Variants in USP13 observed in about 807,000 individuals in gnomAD.
The protein encoded by USP13 is ubiquitin specific peptidase 13.
Under a neutral mutation model 107.8 loss-of-function variants are expected in USP13, and 68 were observed. That is an observed-to-expected ratio of 0.63 (90% CI 0.52 to 0.77). The LOEUF (loss-of-function observed/expected upper bound fraction) is 0.77. Among genes scored for constraint, USP13 ranks in the 30% least tolerant of loss-of-function variants. The pLI is 0.00. For synonymous variants in USP13, 377 were observed against 389.5 expected (o/e 0.97, Z 0.38); for missense variants, 945 against 1,093.3 (o/e 0.86, Z 1.91).
At chr3:179,739,117 CT>C (rs1714093919) in intron 10 of USP13, among the ~76,000 whole-genome samples, 2 of 152,198 alleles carry the variant, frequency 1.3e-5, no homozygotes, top group South Asian at 4.1e-4. Flanking sequence ...TTCCCTGATG[CT>C]CTGTCCAGCT....
At chr3:179,660,131 G>A (rs912526571) in intron 1 of USP13, among the ~76,000 whole-genome samples, 7 of 152,210 alleles carry the variant, frequency 4.6e-5, no homozygotes, top group South Asian at 2.1e-4. Flanking sequence ...ATTTTAACTC[G>A]TTTTAATTGT....
rs569113008 is a variant in USP13, at chr3:179,758,761, G to C, written c.1948+1683G>C. Among the ~76,000 whole-genome samples the C allele has an allele frequency of 1.3e-3, 194 of 152,124 alleles. 1 individual carries two copies. The highest frequency in any genetic ancestry group is 4.5e-3 in the African/African-American group (186 of 41,502). On this transcript the variant is annotated intron_variant, in intron 16 of 20. Transcript: ENST00000263966. ...GATCCACCCGCCTCGGCCTCCCAACGTGCTGGGATTACACACGTGAGCCAC... is the reference window on the plus strand; with the variant it reads ...GATCCACCCGCCTCGGCCTCCCAACCTGCTGGGATTACACACGTGAGCCAC...
At position 179,754,786 on chromosome 3, in the gene USP13, G is replaced by A; in HGVS notation, c.1853G>A (p.Gly618Glu). Residue 618 changes from glycine (G) to glutamate (E), a missense_variant, in exon 15 of 21, where the codon GGG becomes GAG. Physicochemically the swap from Gly to Glu is moderately conservative, Grantham distance 98. Transcript: ENST00000263966. The stretch of plus-strand genomic sequence containing the variant: ...GATATCAACCATCTCCGAGCCAGGG[G>A]GTTACAGCCAGGAGAGGAAGAACTT... ...LLDINHLRAR[G>E]LQPGEEELPD... 1 of 1,613,296 alleles carries A rather than the reference G, an allele frequency of 6.2e-7. No individual in the cohort carries two copies. The highest frequency in any genetic ancestry group is 1.1e-5 in the South Asian group (1 of 90,822).
chr3:179,750,372 TTTG>T lies in USP13; in HGVS notation c.1710-1907_1710-1905del, dbSNP rs1357841943. On this transcript the variant is annotated intron_variant, in intron 13 of 20. Coordinates refer to ENST00000263966, the MANE Select transcript of USP13 (RefSeq NM_003940.3). ...TATATATATAAAATATCAGACAGAG[TTTG>T]TTGTTTTTTTGGTGCAGTTGAGGAC... Among the ~76,000 whole-genome samples, 608 of 144,370 alleles carry T rather than the reference TTTG, an allele frequency of 4.2e-3. 6 individuals carry two copies. The highest frequency in any genetic ancestry group is 0.015 in the African/African-American group (570 of 38,940). The allele number at this position is 144,370 out of a possible 152,430, so 94.7% of individuals were successfully genotyped here.
chr3:179,654,912 A>G (rs1252778092), intron 1 of USP13, among the ~76,000 whole-genome samples: 5 of 151,462 alleles, frequency 3.3e-5, no homozygotes, highest in Non-Finnish European at 2.9e-5. Flanking sequence ...GATGAAACCT[A>G]ACTTAATTTT....
chr3:179,730,926 A>T (rs1713781051), intron 10 of USP13, among the ~76,000 whole-genome samples: 1 of 152,272 alleles, frequency 6.6e-6, no homozygotes. Flanking sequence ...CATGGATTAT[A>T]CATGTGTGCC....
chr3:179,784,170 A>G lies in USP13; in HGVS notation c.*29A>G. The G allele has an allele frequency of 6.5e-7, 1 of 1,546,116 alleles. No homozygotes were observed. Among genetic ancestry groups the G allele is most frequent in the South Asian group, 1.2e-5 (1 of 84,270 alleles). On this transcript the variant is annotated 3_prime_UTR_variant, in exon 21 of 21. Coordinates refer to ENST00000263966, the MANE Select transcript of USP13 (RefSeq NM_003940.3). ...TCAAATATAAAAATTGGCGAAAAGAAGCCATACGCCTTTTTAATTTGCCAA... is the reference window on the plus strand; with the variant it reads ...TCAAATATAAAAATTGGCGAAAAGAGGCCATACGCCTTTTTAATTTGCCAA...
At chr3:179,671,649 A>G (rs907127539) in intron 1 of USP13, among the ~76,000 whole-genome samples, 4 of 152,218 alleles carry the variant, frequency 2.6e-5, no homozygotes, top group African/African-American at 9.6e-5. Context: ...GTTACATTTC[A>G]TGGAGGTACC....
At chr3:179,720,811 CTT>C (rs1215405779) in intron 7 of USP13, among the ~76,000 whole-genome samples, 9 of 142,454 alleles carry the variant, frequency 6.3e-5, no homozygotes, top group East Asian at 2.0e-4. Flanking sequence ...TCTTTAAAAT[CTT>C]TTTTTTTTTT....
intron 10 of USP13, among the ~76,000 whole-genome samples, chr3:179,734,265 A>G (rs1251038198): frequency 6.6e-6 from 1 of 152,222 alleles, no homozygotes; most frequent in Non-Finnish European, 1.5e-5. Flanking sequence ...ATTGAATTTT[A>G]AGATTAACTT....
chr3:179,711,215 T>G (rs1166869939), intron 6 of USP13, among the ~76,000 whole-genome samples: 3 of 152,134 alleles, frequency 2.0e-5, no homozygotes, highest in Admixed American at 6.5e-5. Context: ...TGTACACTTT[T>G]TTTTGTTTTG....
intron 8 of USP13, among the ~76,000 whole-genome samples, chr3:179,722,074 A>C (rs1026618488): frequency 4.6e-5 from 7 of 151,950 alleles, no homozygotes; most frequent in African/African-American, 1.7e-4. Flanking sequence ...TCAAAAAAAA[A>C]AAAAAAAAGA....
intron 6 of USP13, among the ~76,000 whole-genome samples, chr3:179,716,261 C>G (rs960846045): frequency 1.3e-5 from 2 of 152,146 alleles, no homozygotes; most frequent in Non-Finnish European, 2.9e-5. Flanking sequence ...TGAGGTACAT[C>G]CTTACCTCTC....
rs1720136061 is a variant in USP13, at chr3:179,653,199, C to A, written c.-27C>A. ...CCCGCGCTCCGGCTCCGGCTCGGCT[C>A]GCTCGGCTCCGGTGCGCGCCGAGGC... is the stretch of plus-strand genomic sequence containing the variant. On this transcript the variant is annotated 5_prime_UTR_variant, in exon 1 of 21. Coordinates refer to ENST00000263966, the MANE Select transcript of USP13 (RefSeq NM_003940.3). This position sits in a 1 kb window ranked among gnomAD's most constrained non-coding sequence, Gnocchi z 4.0. 1 of 1,350,980 alleles carries A rather than the reference C, an allele frequency of 7.4e-7. No individual in the cohort carries two copies. The highest frequency in any genetic ancestry group is 9.6e-7 in the Non-Finnish European group (1 of 1,045,992). The allele number at this position is 1,350,980 out of a possible 1,614,324, so 83.7% of individuals were successfully genotyped here.
At chr3:179,730,146 T>G in intron 8 of USP13, 43 bp from the exon 9 acceptor site, 1 of 1,561,632 alleles carries the variant, frequency 6.4e-7, no homozygotes, top group African/African-American at 1.4e-5. Context: ...GTTCTGTTCT[T>G]CTTGCAGTTG....
Position 179,774,856 on chromosome 3 carries a change from T to C in USP13, c.2414-6883T>C, listed in dbSNP as rs547646693. Among the ~76,000 whole-genome samples, 3 of 152,346 alleles carry C rather than the reference T, an allele frequency of 2.0e-5. No homozygotes were observed. The South Asian group carries it at 6.2e-4, about 32-fold the overall frequency. On this transcript the variant is annotated intron_variant, in intron 19 of 20. Coordinates refer to ENST00000263966, the MANE Select transcript of USP13 (RefSeq NM_003940.3). ...TGATTGGTCCATTTTGACAGGGTGC[T>C]GATTGGTGCATTTACAATCCCTGAG...
At chr3:179,774,616 A>G (rs1715454171) in intron 19 of USP13, among the ~76,000 whole-genome samples, 1 of 152,146 alleles carries the variant, frequency 6.6e-6, no homozygotes, top group South Asian at 2.1e-4. Context: ...TGCAGTGATT[A>G]CAGCTCATAA....
Position 179,721,522 on chromosome 3 carries a change from C to T in USP13, c.1021C>T (p.Leu341=). ...YGPGYTGLKN[L]GNSCYLSSVM... ...TCCTGGCTACACGGGTCTGAAGAACCTGGGCAACAGCTGCTATCTCAGCTC... is the reference window on the plus strand; with the variant it reads ...TCCTGGCTACACGGGTCTGAAGAACTTGGGCAACAGCTGCTATCTCAGCTC... The change falls in exon 8 of 21, where the codon CTG becomes TTG. Residue 341 remains leucine, a synonymous_variant. Transcript: ENST00000263966. This position sits in a 1 kb window ranked among gnomAD's most constrained non-coding sequence, Gnocchi z 4.3. 3 of 1,614,140 alleles carry T rather than the reference C, an allele frequency of 1.9e-6. No individual in the cohort carries two copies. Among genetic ancestry groups the T allele is most frequent in the Non-Finnish European group, 1.7e-6 (2 of 1,180,042 alleles).
intron 18 of USP13, among the ~76,000 whole-genome samples, chr3:179,764,728 G>C (rs745328119): frequency 2.0e-5 from 3 of 152,172 alleles, no homozygotes; most frequent in African/African-American, 7.2e-5. Flanking sequence ...CCCTTCTGCA[G>C]TGCTGATATC....
Sources: allele counts gnomAD v4.1 joint callset (sites outside exome capture counted in the v4.1 genomes callset), GRCh38; gene constraint gnomAD v4.1.1; non-coding constraint Gnocchi (gnomAD v3.1); transcripts MANE v1.5; gene names NCBI Gene and HGNC (gene_info 2026-07-23, HGNC 2026-07-21).